PEX26: variants seen among roughly 807,000 people sequenced by gnomAD.
PEX26 encodes the protein peroxisomal biogenesis factor 26.
Under a neutral mutation model 31.4 loss-of-function variants are expected in PEX26, and 18 were observed. That is an observed-to-expected ratio of 0.57 (90% CI 0.40 to 0.85). PEX26 has a LOEUF of 0.85. Among genes scored for constraint, PEX26 ranks in the 40% least tolerant of loss-of-function variants. The pLI is 0.00. For missense variants in PEX26, 377 were observed against 383.9 expected, an observed-to-expected ratio of 0.98 and a Z score of 0.15; for synonymous variants, 176 against 166.9, an observed-to-expected ratio of 1.05 and a Z score of -0.42.
rs362197 is a variant in PEX26 at position 18,095,704 on chromosome 22, CTT to C, written c.*7645_*7646del. ...CCCAGGAAACATATTTTGCAAAAGC[CTT>C]TTTTTTTTTTTTTTTGAGAAACAAG... On this transcript the variant is annotated 3_prime_UTR_variant, in exon 5 of 5. Transcript: ENST00000399744. 0.89 allele frequency: 123,198 copies of C among 138,020 alleles called. 55,157 individuals are homozygous for C. The highest frequency in any genetic ancestry group is 0.95 in the South Asian group (4,123 of 4,336). The allele number at this position is 138,020 out of a possible 1,614,324, so 8.5% of individuals were successfully genotyped here. A position where few individuals can be genotyped will look rare whatever the true frequency, so the allele number is the denominator to read the frequency against.
At position 18,083,725 on chromosome 22, in the gene PEX26, C is replaced by T. The variant is rs761531045; in HGVS notation, c.660C>T (p.Asn220=). 6.2e-7 allele frequency: 1 copy of T among 1,613,866 alleles called. No homozygotes were observed. Among genetic ancestry groups the T allele is most frequent in the East Asian group, 2.2e-5 (1 of 44,880 alleles). ...HSGSEEAQKP[N]LEGSVSHKFL... The stretch of plus-strand genomic sequence containing the variant: ...GCTCTGAGGAGGCCCAGAAGCCAAA[C>T]CTGGAAGGTAGGACATTATCCCTCT... The change falls in exon 3 of 5, where the codon AAC becomes AAT. Residue 220 remains asparagine (N), a synonymous_variant. Transcript: ENST00000399744.
chr22:18,078,358 C>G lies in PEX26; in HGVS notation c.-19C>G, dbSNP rs777671183. ...TCACTCCGACGTCTGAGGACCTGGG[C>G]CTTGGACCCGGACTCGTTATGAAGA... On this transcript the variant is annotated 5_prime_UTR_variant, in exon 1 of 5. Coordinates refer to ENST00000399744, the MANE Select transcript of PEX26 (RefSeq NM_001127649.3). The G allele has an allele frequency of 1.3e-6, 2 of 1,567,574 alleles. No homozygotes were observed. Among genetic ancestry groups the G allele is most frequent in the East Asian group, 4.5e-5 (2 of 44,300 alleles).
chr22:18,079,504 G>T (rs1216758325), intron 1 of PEX26, among the ~76,000 whole-genome samples: 1 of 152,186 alleles, frequency 6.6e-6, no homozygotes, highest in Non-Finnish European at 1.5e-5. Flanking sequence ...CAGAAACCTT[G>T]CTCCAAGCCC....
chr22:18,080,099 T>G lies in PEX26; in HGVS notation c.371+85T>G. 2.2e-6 allele frequency: 3 copies of G among 1,394,670 alleles called. No homozygotes were observed. The Admixed American group carries it at 5.6e-5, about 26-fold the overall frequency. The allele number at this position is 1,394,670 out of a possible 1,614,324, so 86.4% of individuals were successfully genotyped here. On this transcript the variant is annotated intron_variant, in intron 2 of 4. Coordinates refer to ENST00000399744, the MANE Select transcript of PEX26 (RefSeq NM_001127649.3). ...CTCCTAAATACCTACTCTTTTCCCC[T>G]TCCCTACTATTGCCCTCCAGATCGG...
rs1172442511 is a variant in PEX26 at position 18,101,850 on chromosome 22, T to C, written c.*13775T>C. ...ATTGAGGAGCCAGTGAATGGAGAAT[T>C]CGACAACGCCTGGCATGATTGAGGG... is the stretch of plus-strand genomic sequence containing the variant. On this transcript the variant is annotated 3_prime_UTR_variant, in exon 5 of 5. Coordinates refer to ENST00000399744, the MANE Select transcript of PEX26 (RefSeq NM_001127649.3). 1 of 164,708 alleles carries C rather than the reference T, an allele frequency of 6.1e-6. No homozygotes were observed. The highest frequency in any genetic ancestry group is 1.3e-5 in the Non-Finnish European group (1 of 75,548). 10.2% of individuals were successfully genotyped at this position (164,708 alleles called of 1,614,324 possible).
At chr22:18,078,653 G>T in intron 1 of PEX26, 47 bp downstream of exon 1, 1 of 1,528,500 alleles carries the variant, frequency 6.5e-7, no homozygotes, top group Non-Finnish European at 8.9e-7. Context: ...CGCTCTTGTG[G>T]TGGGGCTCAA....
intron 4 of PEX26, among the ~76,000 whole-genome samples, chr22:18,087,015 C>T (rs1488061882): frequency 2.0e-5 from 3 of 152,102 alleles, no homozygotes; most frequent in African/African-American, 2.4e-5. Flanking sequence ...TAGGCTCAAG[C>T]GATCTTCTCT....
intron 2 of PEX26, 44 bp downstream of exon 2, chr22:18,080,058 A>G (rs890848550): frequency 1.9e-6 from 3 of 1,606,194 alleles, no homozygotes; most frequent in Non-Finnish European, 2.6e-6. Context: ...CAGAAACGAG[A>G]GGATTTTCAT....
At chr22:18,080,550 T>C (rs956598213) in intron 2 of PEX26, among the ~76,000 whole-genome samples, 26 of 152,152 alleles carry the variant, frequency 1.7e-4, no homozygotes, top group Non-Finnish European at 8.8e-5. Context: ...CAGGATGGTC[T>C]CAATCTCCTG....
chr22:18,078,577 C>T lies in PEX26; in HGVS notation c.201C>T (p.Asn67=), dbSNP rs1227005000. The T allele has an allele frequency of 1.9e-6, 3 of 1,599,326 alleles. No individual in the cohort carries two copies. The highest frequency in any genetic ancestry group is 2.6e-6 in the Non-Finnish European group (3 of 1,175,494). Residue 67 remains asparagine, a synonymous_variant, in exon 1 of 5, where the codon AAC becomes AAT. Transcript: ENST00000399744. ...TCERAWQSLA[N]HAVAEEPAGT... Reference sequence around the variant, plus strand: ...AGCGGGCCTGGCAGAGTCTGGCCAACCACGCCGTGGCAGAGGAACCCGCGG... The same window carrying T: ...AGCGGGCCTGGCAGAGTCTGGCCAATCACGCCGTGGCAGAGGAACCCGCGG...
chr22:18,083,772 T>TC, intron 3 of PEX26, 40 bp downstream of exon 3: 1 of 1,598,140 alleles, frequency 6.3e-7, no homozygotes, highest in Non-Finnish European at 8.6e-7. Context: ...AAAGTGGACT[T>TC]GCGGGCTTGC....
rs895062090 is a variant in PEX26 at position 18,089,469 on chromosome 22, A to G, written c.*1394A>G. The G allele has an allele frequency of 2.6e-4, 39 of 152,282 alleles. No homozygotes were observed. The highest frequency in any genetic ancestry group is 9.2e-4 in the African/African-American group (38 of 41,458). The allele number at this position is 152,282 out of a possible 1,614,324, so 9.4% of individuals were successfully genotyped here. On this transcript the variant is annotated 3_prime_UTR_variant, in exon 5 of 5. Coordinates refer to ENST00000399744, the MANE Select transcript of PEX26 (RefSeq NM_001127649.3). ...TGAAATGTTTCAGTGTTGTTTTCTC[A>G]CCAGCCACAAGCATCTTATGAGTTT...
At chr22:18,086,644 C>G (rs1341124446) in intron 4 of PEX26, among the ~76,000 whole-genome samples, 2 of 152,160 alleles carry the variant, frequency 1.3e-5, no homozygotes, top group Admixed American at 1.3e-4. Context: ...GGCACTCGCT[C>G]TTTTAGATTT....
At chr22:18,079,803 T>C in intron 1 of PEX26, 71 bp from the exon 2 acceptor site, 1 of 1,566,010 alleles carries the variant, frequency 6.4e-7, no homozygotes, top group African/African-American at 1.4e-5. Flanking sequence ...AGAGGAACAG[T>C]CCCAAGGTGG....
chr22:18,083,015 C>T (rs1266185717), intron 2 of PEX26, among the ~76,000 whole-genome samples: 8 of 152,130 alleles, frequency 5.3e-5, no homozygotes, highest in African/African-American at 9.7e-5. Context: ...CGTATAGAAA[C>T]GCTGTTTTTT....
chr22:18,095,343 G>A lies in PEX26; in HGVS notation c.*7268G>A, dbSNP rs1292883906. 1 of 152,140 alleles carries A rather than the reference G, an allele frequency of 6.6e-6. No individual in the cohort carries two copies. The highest frequency in any genetic ancestry group is 2.4e-5 in the African/African-American group (1 of 41,424). 9.4% of individuals were successfully genotyped at this position (152,140 alleles called of 1,614,324 possible). ...ATAAATACAAGCTGGTAGTTTCATT[G>A]GATGACTCACACAGATAAGCCATGC... On this transcript the variant is annotated 3_prime_UTR_variant, in exon 5 of 5. Transcript: ENST00000399744.
rs362035 is a variant in PEX26 at position 18,091,478 on chromosome 22, CAA to C, written c.*3412_*3413del. On this transcript the variant is annotated 3_prime_UTR_variant, in exon 5 of 5. Transcript: ENST00000399744. ...TGAAACCCCATCTCTACTAAAAATA[CAA>C]AAAAAAAATGAGCCGGGCATGGTGG... The C allele has an allele frequency of 0.99, 150,695 of 152,088 alleles. 74,661 individuals carry two copies. The highest frequency in any genetic ancestry group is 1 in the East Asian group (5,138 of 5,140). 9.4% of individuals were successfully genotyped at this position (152,088 alleles called of 1,614,324 possible).
rs1926430327 is a variant in PEX26, at chr22:18,078,933, G to C, written c.230+327G>C. On this transcript the variant is annotated intron_variant, in intron 1 of 4. Coordinates refer to ENST00000399744, the MANE Select transcript of PEX26 (RefSeq NM_001127649.3). ...TAAAAGTCCTCTCCCAGGTACCTCC[G>C]CCCTCCCCGCCCCGCCCAAGGTTGT... 6.4e-6 allele frequency: 3 copies of C among 467,900 alleles called. No homozygotes were observed. In the Admixed American group the frequency reaches 8.6e-5, roughly 13 times the overall value. 29.0% of individuals were successfully genotyped at this position (467,900 alleles called of 1,614,324 possible).
chr22:18,093,511 C>T lies in PEX26; in HGVS notation c.*5436C>T. 6.6e-6 allele frequency: 1 copy of T among 151,172 alleles called. No individual in the cohort carries two copies. Among genetic ancestry groups the T allele is most frequent in the Non-Finnish European group, 1.5e-5 (1 of 67,920 alleles). The allele number at this position is 151,172 out of a possible 1,614,324, so 9.4% of individuals were successfully genotyped here. ...CCAGGAGGCGGAGCTTGCAGTGAGC[C>T]TAGATGGCGCCACTGCACTCCAGCC... On this transcript the variant is annotated 3_prime_UTR_variant, in exon 5 of 5. Coordinates refer to ENST00000399744, the MANE Select transcript of PEX26 (RefSeq NM_001127649.3).
Sources: allele counts gnomAD v4.1 joint callset (sites outside exome capture counted in the v4.1 genomes callset), GRCh38; gene constraint gnomAD v4.1.1; transcripts MANE v1.5; gene names NCBI Gene and HGNC (gene_info 2026-07-23, HGNC 2026-07-21).